Variants in GPHN observed in about 807,000 individuals in gnomAD.
The protein encoded by GPHN is gephyrin.
A neutral mutation model predicts 95.5 loss-of-function variants in GPHN; 17 were observed. The ratio of observed to expected loss-of-function variants is 0.18; its 90% CI spans 0.12 to 0.27. The LOEUF (loss-of-function observed/expected upper bound fraction) is 0.27, where lower values mean the gene tolerates loss of function less well. Among genes scored for constraint, GPHN ranks in the 10% least tolerant of loss-of-function variants. The pLI is 1.00. For synonymous variants in GPHN, 320 were observed against 322.5 expected, an observed-to-expected ratio of 0.99 and a Z score of 0.08; for missense variants, 660 against 978.1, an observed-to-expected ratio of 0.67 and a Z score of 4.34.
chr14:66,703,310 A>T (rs1487399178), intron 2 of GPHN, among the ~76,000 whole-genome samples: 1 of 152,082 alleles, frequency 6.6e-6, no homozygotes, highest in Non-Finnish European at 1.5e-5. Context: ...CCACTAAGAT[A>T]CTCCACAAGA....
intron 1 of GPHN, among the ~76,000 whole-genome samples, chr14:66,544,932 A>C (rs948084480): frequency 1.3e-5 from 2 of 152,146 alleles, no homozygotes; most frequent in Admixed American, 1.3e-4. Context: ...CAGGATCCCA[A>C]GGCAGAAGAA....
At chr14:67,405,671 T>C in the GPHN span, among the ~76,000 whole-genome samples, 2 of 152,224 alleles carry the variant, frequency 1.3e-5, no homozygotes, top group African/African-American at 2.4e-5. Flanking sequence ...AGGCTTCTTA[T>C]TGGCATTCTC....
chr14:67,725,142 G>A, the GPHN span: 4 of 1,614,200 alleles, frequency 2.5e-6, no homozygotes, highest in South Asian at 3.3e-5. Context: ...TGAAGGGGGA[G>A]TCTGCTGCCA....
At chr14:67,070,096 C>A (rs2076222414) in intron 11 of GPHN, among the ~76,000 whole-genome samples, 1 of 151,894 alleles carries the variant, frequency 6.6e-6, no homozygotes, top group African/African-American at 2.4e-5. Flanking sequence ...TTCATAATTC[C>A]CTTCAGGTAT....
the GPHN span, among the ~76,000 whole-genome samples, chr14:67,669,353 T>G: frequency 1.3e-5 from 2 of 151,712 alleles, no homozygotes; most frequent in Non-Finnish European, 2.9e-5. Flanking sequence ...CACTAAAACT[T>G]CAAACTGCTA....
At chr14:67,378,146 CTCTT>C in the GPHN span, among the ~76,000 whole-genome samples, 8 of 150,528 alleles carry the variant, frequency 5.3e-5, no homozygotes, top group African/African-American at 1.9e-4. Context: ...AAAAGCCAGA[CTCTT>C]TCAGTTCTCT....
chr14:66,707,061 A>G (rs566079405), intron 2 of GPHN, among the ~76,000 whole-genome samples: 16 of 152,196 alleles, frequency 1.1e-4, no homozygotes, highest in Non-Finnish European at 1.9e-4. Flanking sequence ...TGAAAAAAAA[A>G]AAAAACAACA....
At chr14:66,567,205 G>A (rs1329715854) in intron 1 of GPHN, among the ~76,000 whole-genome samples, 1 of 152,142 alleles carries the variant, frequency 6.6e-6, no homozygotes, top group African/African-American at 2.4e-5. Flanking sequence ...AGCATATAGA[G>A]TTGGAGAAAG....
chr14:67,557,927 G>A, the GPHN span, among the ~76,000 whole-genome samples: 1 of 152,184 alleles, frequency 6.6e-6, no homozygotes, highest in African/African-American at 2.4e-5. Context: ...AGAGCTGGAT[G>A]GTCAGTCGTG....
intron 9 of GPHN, among the ~76,000 whole-genome samples, chr14:66,977,755 A>G (rs2070358046): frequency 1.3e-5 from 2 of 152,218 alleles, no homozygotes; most frequent in South Asian, 4.1e-4. Flanking sequence ...TTCACAATAT[A>G]CATTATTTTT....
intron 9 of GPHN, among the ~76,000 whole-genome samples, chr14:66,970,626 C>T (rs74363385): frequency 0.019 from 2,943 of 152,180 alleles, 38 homozygotes; most frequent in Middle Eastern, 0.034. Context: ...TAACTGGTGA[C>T]GGCAAATTAT....
chr14:67,348,856 A>C, the GPHN span: 4 of 629,014 alleles, frequency 6.4e-6, no homozygotes, highest in Non-Finnish European at 1.1e-5. Flanking sequence ...TCTATACAAA[A>C]GTCAAGTTAT....
intron 12 of GPHN, among the ~76,000 whole-genome samples, chr14:67,092,475 C>T (rs1005773289): frequency 2.0e-5 from 3 of 152,026 alleles, no homozygotes; most frequent in Non-Finnish European, 2.9e-5. Context: ...CAGTGGCACT[C>T]GTGGGCATTG....
At chr14:67,706,264 TA>T in the GPHN span, 2 of 152,258 alleles carry the variant, frequency 1.3e-5, no homozygotes, top group Non-Finnish European at 2.9e-5. Context: ...ATTTTAAAAA[TA>T]AAATAAAAAT....
chr14:67,035,755 C>A (rs1289246766), intron 10 of GPHN, among the ~76,000 whole-genome samples: 1 of 151,616 alleles, frequency 6.6e-6, no homozygotes, highest in East Asian at 1.9e-4. Context: ...TCAAAAACCT[C>A]CCCATAAAGA....
chr14:67,695,924 A>G, the GPHN span: 1 of 560,334 alleles, frequency 1.8e-6, no homozygotes, highest in Admixed American at 3.3e-5. Context: ...CCAACCATCT[A>G]GGGCTTAGGG....
chr14:67,210,424 T>TA, the GPHN span, among the ~76,000 whole-genome samples: 454 of 151,438 alleles, frequency 3.0e-3, 1 homozygote, highest in Non-Finnish European at 5.4e-3. Context: ...TGTCTCTATT[T>TA]AAAAAAAAGA....
intron 8 of GPHN, among the ~76,000 whole-genome samples, chr14:66,930,065 G>A (rs1219832808): frequency 1.3e-5 from 2 of 152,138 alleles, no homozygotes; most frequent in Non-Finnish European, 2.9e-5. Flanking sequence ...CAGATTGTTA[G>A]GTCTTGTTTT....
At chr14:67,616,794 T>A in the GPHN span, 1 of 152,114 alleles carries the variant, frequency 6.6e-6, no homozygotes. Flanking sequence ...ACACATATCC[T>A]GAAGGTGATT....
Sources: allele counts gnomAD v4.1 joint callset (sites outside exome capture counted in the v4.1 genomes callset), GRCh38; gene constraint gnomAD v4.1.1; transcripts MANE v1.5; gene names NCBI Gene and HGNC (gene_info 2026-07-23, HGNC 2026-07-21).